PCDHGA5: variants seen among roughly 807,000 people sequenced by gnomAD.
The protein encoded by PCDHGA5 is protocadherin gamma subfamily A, 5, also known as protocadherin gamma-A5.
A neutral mutation model predicts 56.7 loss-of-function variants in PCDHGA5; 36 were observed. The observed-to-expected ratio is 0.64, with a 90% CI of 0.49 to 0.84. The LOEUF is 0.84. Ranked by LOEUF, PCDHGA5 falls within the 40% of genes least tolerant of loss-of-function variation. The probability of loss-of-function intolerance (pLI) is 0.00; values close to 1 mark genes in which losing one functional copy is unlikely to be tolerated. For missense variants in PCDHGA5, 1,305 were observed against 1,201.5 expected (o/e 1.09, Z -1.27); for synonymous variants, 563 against 520.2 (o/e 1.08, Z -1.12).
In PCDHGA5 at chr5:141,487,715, C is replaced by T. The variant is rs1209272301; in HGVS notation, c.2422-7092C>T. 2.5e-6 allele frequency: 4 copies of T among 1,582,708 alleles called. No individual in the cohort carries two copies. The highest frequency in any genetic ancestry group is 1.8e-5 in the Admixed American group (1 of 54,696). The stretch of plus-strand genomic sequence containing the variant: ...GAGTACTGGCCTCTCAGTAAGTGCC[C>T]ATAGTGATGTCACCATTTTTGTAAG... On this transcript the variant is annotated intron_variant, in intron 1 of 3. Transcript: ENST00000518069. This position sits in a 1 kb window ranked among gnomAD's most constrained non-coding sequence, Gnocchi z 5.0.
rs753922826 is a variant in PCDHGA5 at position 141,365,677 on chromosome 5, A to C, written c.1347A>C (p.Pro449=). 6.2e-7 allele frequency: 1 copy of C among 1,613,140 alleles called. No homozygotes were observed. Among genetic ancestry groups the C allele is most frequent in the South Asian group, 1.1e-5 (1 of 91,028 alleles). ...PLKVADVNDN[P]PNFPQASYST... Reference sequence around the variant, plus strand: ...AAGTAGCAGACGTTAATGACAACCCACCCAATTTCCCTCAAGCCTCCTACT... The same window carrying C: ...AAGTAGCAGACGTTAATGACAACCCCCCCAATTTCCCTCAAGCCTCCTACT... The change falls in exon 1 of 4, where the codon CCA becomes CCC. Residue 449 remains proline (P), a synonymous_variant. Transcript: ENST00000518069.
chr5:141,432,589 G>T lies in PCDHGA5; in HGVS notation c.2422-62218G>T. ...CCTGGCTGTCCTACCGTCTGCTCAA[G>T]GCCAGCGAGCCGGGACTCTTCTCGG... On this transcript the variant is annotated intron_variant, in intron 1 of 3. Transcript: ENST00000518069. The surrounding 1 kb of genome is among the most constrained non-coding windows in gnomAD (Gnocchi z 6.0). 1 of 1,613,916 alleles carries T rather than the reference G, an allele frequency of 6.2e-7. No individual in the cohort carries two copies. Among genetic ancestry groups the T allele is most frequent in the Non-Finnish European group, 8.5e-7 (1 of 1,179,974 alleles).
At chr5:141,419,096 G>T in intron 1 of PCDHGA5, 9 of 1,613,918 alleles carry the variant, frequency 5.6e-6, no homozygotes, top group Non-Finnish European at 7.6e-6. Context: ...CCTGGATCGG[G>T]AGCAGACCCC....
chr5:141,408,372 G>A, intron 1 of PCDHGA5: 2 of 1,614,024 alleles, frequency 1.2e-6, no homozygotes, highest in African/African-American at 1.3e-5. Flanking sequence ...CTAGGGCTCA[G>A]TGTCCTGGAT....
At position 141,431,871 on chromosome 5, in the gene PCDHGA5, T is replaced by C; in HGVS notation, c.2422-62936T>C. The C allele has an allele frequency of 1.9e-6, 3 of 1,614,234 alleles. No homozygotes were observed. The highest frequency in any genetic ancestry group is 2.5e-6 in the Non-Finnish European group (3 of 1,180,032). The stretch of plus-strand genomic sequence containing the variant: ...GGGACATTAATTGCCCTTTTAAATG[T>C]AAATGACCAAGATTCTGAGGAAAAC... On this transcript the variant is annotated intron_variant, in intron 1 of 3. Coordinates refer to ENST00000518069, the MANE Select transcript of PCDHGA5 (RefSeq NM_018918.3). The surrounding 1 kb of genome is among the most constrained non-coding windows in gnomAD (Gnocchi z 4.8).
chr5:141,397,972 G>A lies in PCDHGA5; in HGVS notation c.2421+31221G>A. 2.6e-6 allele frequency: 3 copies of A among 1,155,562 alleles called. No homozygotes were observed. In the South Asian group the frequency reaches 4.9e-5, roughly 19 times the overall value. The allele number at this position is 1,155,562 out of a possible 1,614,324, so 71.6% of individuals were successfully genotyped here. A position where few individuals can be genotyped will look rare whatever the true frequency, so the allele number is the denominator to read the frequency against. On this transcript the variant is annotated intron_variant, in intron 1 of 3. Transcript: ENST00000518069. ...GCAGCCCCAGCTCAGACTCCCCAGC[G>A]CCGGCCTTTACACCGCTTCCTCCTC...
At chr5:141,458,907 A>AT (rs759653270) in intron 1 of PCDHGA5, among the ~76,000 whole-genome samples, 1 of 151,752 alleles carries the variant, frequency 6.6e-6, no homozygotes, top group Non-Finnish European at 1.5e-5. Context: ...AATTTTTTCT[A>AT]TTTTTTGTGG....
rs1464961193 is a variant in PCDHGA5 at position 141,432,346 on chromosome 5, A to G, written c.2422-62461A>G. The G allele has an allele frequency of 6.2e-7, 1 of 1,614,192 alleles. No homozygotes were observed. Among genetic ancestry groups the G allele is most frequent in the African/African-American group, 1.3e-5 (1 of 75,054 alleles). On this transcript the variant is annotated intron_variant, in intron 1 of 3. Coordinates refer to ENST00000518069, the MANE Select transcript of PCDHGA5 (RefSeq NM_018918.3). This position sits in a 1 kb window ranked among gnomAD's most constrained non-coding sequence, Gnocchi z 6.0. ...ACTACGAGCAGTTCCGAGACTTGCA[A>G]GTGAAAGTGATGGCGCGGGACAACG...
chr5:141,410,485 A>G, intron 1 of PCDHGA5: 3 of 1,614,016 alleles, frequency 1.9e-6, no homozygotes, highest in Non-Finnish European at 1.7e-6. Flanking sequence ...ATACGGGTAC[A>G]AAAGAGTTTA....
At chr5:141,415,462 C>T in intron 1 of PCDHGA5, 1 of 1,614,220 alleles carries the variant, frequency 6.2e-7, no homozygotes. Context: ...CGAGGTCTCT[C>T]TCACCGCGGA....
At chr5:141,466,545 T>C (rs2099124777) in intron 1 of PCDHGA5, among the ~76,000 whole-genome samples, 1 of 152,216 alleles carries the variant, frequency 6.6e-6, no homozygotes. Flanking sequence ...AGATGGTCTT[T>C]TGCTGTGGGC....
At chr5:141,506,351 A>G (rs1029519620) in intron 3 of PCDHGA5, among the ~76,000 whole-genome samples, 2 of 150,784 alleles carry the variant, frequency 1.3e-5, no homozygotes, top group African/African-American at 4.9e-5. Context: ...TGGGAGGCTG[A>G]GGCAGGAGAA....
rs3805699 is a variant in PCDHGA5 at position 141,435,743 on chromosome 5, G to A, written c.2422-59064G>A. Among the ~76,000 whole-genome samples the A allele has an allele frequency of 9.2e-5, 14 of 152,198 alleles. No homozygotes were observed. The East Asian group carries it at 2.1e-3, about 23-fold the overall frequency. ...GCTAAAGTGTATTACTCTTTGAAAA[G>A]CATTGCTTGATTTCTTTTGGTGAAT... is the stretch of plus-strand genomic sequence containing the variant. On this transcript the variant is annotated intron_variant, in intron 1 of 3. Coordinates refer to ENST00000518069, the MANE Select transcript of PCDHGA5 (RefSeq NM_018918.3).
chr5:141,490,604 A>T lies in PCDHGA5; in HGVS notation c.2422-4203A>T, dbSNP rs749528675. ...GTCAATGACAATGCACCCCGCTTCA[A>T]CCAGCAGCTTTACACTGCTTACATC... On this transcript the variant is annotated intron_variant, in intron 1 of 3. Transcript: ENST00000518069. The surrounding 1 kb of genome is among the most constrained non-coding windows in gnomAD (Gnocchi z 5.4). 6.2e-7 allele frequency: 1 copy of T among 1,614,192 alleles called. No homozygotes were observed. The highest frequency in any genetic ancestry group is 8.5e-7 in the Non-Finnish European group (1 of 1,180,022).
chr5:141,379,798 G>C (rs890822360), intron 1 of PCDHGA5, among the ~76,000 whole-genome samples: 1 of 150,150 alleles, frequency 6.7e-6, no homozygotes, highest in African/African-American at 2.5e-5. Context: ...GCTATCTGAG[G>C]TTTTGAGAGT....
At chr5:141,443,820 T>A (rs1329478151) in intron 1 of PCDHGA5, among the ~76,000 whole-genome samples, 1 of 151,986 alleles carries the variant, frequency 6.6e-6, no homozygotes, top group Non-Finnish European at 1.5e-5. Context: ...TTGGAAAACA[T>A]AATTAGGTAA....
At chr5:141,406,827 A>G (rs2094856328) in intron 1 of PCDHGA5, among the ~76,000 whole-genome samples, 1 of 152,242 alleles carries the variant, frequency 6.6e-6, no homozygotes, top group South Asian at 2.1e-4. Context: ...CTAGAAATGA[A>G]CTTGCATATC....
chr5:141,378,520 C>T (rs930266884), intron 1 of PCDHGA5: 4 of 151,996 alleles, frequency 2.6e-5, no homozygotes, highest in Non-Finnish European at 5.9e-5. Flanking sequence ...GAGACTCTGT[C>T]TCAAAAAATA....
intron 1 of PCDHGA5, chr5:141,442,166 A>G (rs2098306007): frequency 6.4e-6 from 1 of 156,354 alleles, no homozygotes; most frequent in Non-Finnish European, 1.4e-5. Flanking sequence ...TCACTCTGCA[A>G]AGCTACAGCC....
Sources: gnomAD v4.1 joint callset for allele counts (sites outside exome capture counted in the v4.1 genomes callset) on GRCh38, gnomAD v4.1.1 for gene constraint, Gnocchi (gnomAD v3.1) non-coding constraint, MANE v1.5 for transcripts, NCBI Gene and HGNC (gene_info 2026-07-23, HGNC 2026-07-21) for gene names.